USP24: variants seen among roughly 807,000 people sequenced by gnomAD.
USP24 encodes ubiquitin specific peptidase 24.
Under a neutral mutation model 361.6 loss-of-function variants are expected in USP24, and 97 were observed. That is an observed-to-expected ratio of 0.27 (90% CI 0.23 to 0.32). The LOEUF (loss-of-function observed/expected upper bound fraction) is 0.32, where lower values mean the gene tolerates loss of function less well. Ranked by LOEUF, USP24 falls within the 10% of genes least tolerant of loss-of-function variation. The pLI is 1.00. For synonymous variants in USP24, 1,098 were observed against 1,124.6 expected, an observed-to-expected ratio of 0.98 and a Z score of 0.47; for missense variants, 2,353 against 3,165.6, an observed-to-expected ratio of 0.74 and a Z score of 6.16.
At chr1:55,099,668 T>C (rs1645582946) in intron 45 of USP24, 103 bp downstream of exon 45, 2 of 774,182 alleles carry the variant, frequency 2.6e-6, no homozygotes, top group South Asian at 3.2e-5. Context: ...AGATAATCAA[T>C]TTCTGATTCG....
At chr1:55,163,635 G>A (rs933995729) in intron 7 of USP24, among the ~76,000 whole-genome samples, 1 of 152,048 alleles carries the variant, frequency 6.6e-6, no homozygotes, top group Non-Finnish European at 1.5e-5. Flanking sequence ...ATGGGTTTGT[G>A]GGAGTACTGA....
intron 9 of USP24, 52 bp from the exon 10 acceptor site, chr1:55,159,088 G>T: frequency 7.4e-7 from 1 of 1,358,746 alleles, no homozygotes; most frequent in South Asian, 1.9e-5. Context: ...AAAACATTTT[G>T]ATCCCAATTC....
chr1:55,133,022 A>G (rs74416564), intron 30 of USP24, among the ~76,000 whole-genome samples: 1 of 152,206 alleles, frequency 6.6e-6, no homozygotes, highest in Admixed American at 6.5e-5. Flanking sequence ...TAATAAAATT[A>G]TAAGATTGCT....
Position 55,154,121 on chromosome 1 carries a change from T to A in USP24, c.1810A>T (p.Arg604Trp). Reference sequence around the variant, plus strand: ...ATCAGATAAAAGCTGAAACCAACCCTCTTAATATCTTCTATGCACTTGATG... The same window carrying A: ...ATCAGATAAAAGCTGAAACCAACCCACTTAATATCTTCTATGCACTTGATG... ...YIIKCIEDIK[R>W]PGEWSGLEKN... The change falls in exon 15 of 68, where the codon AGG becomes TGG. Residue 604 changes from arginine to tryptophan, a missense_variant and splice_region_variant. Physicochemically the swap from Arg to Trp is moderately radical, Grantham distance 101. Coordinates refer to ENST00000294383, the MANE Select transcript of USP24 (RefSeq NM_015306.3). The A allele has an allele frequency of 6.2e-7, 1 of 1,613,502 alleles. No individual in the cohort carries two copies. The highest frequency in any genetic ancestry group is 8.5e-7 in the Non-Finnish European group (1 of 1,179,616).
intron 5 of USP24, 132 bp downstream of exon 5, chr1:55,171,424 T>A (rs958560098): frequency 8.7e-7 from 1 of 1,153,768 alleles, no homozygotes; most frequent in African/African-American, 1.6e-5. Flanking sequence ...GGCAATTTTA[T>A]GAGCCAGATG....
intron 31 of USP24, among the ~76,000 whole-genome samples, chr1:55,131,098 G>C (rs1365111552): frequency 2.0e-5 from 3 of 152,110 alleles, no homozygotes; most frequent in Non-Finnish European, 4.4e-5. Context: ...AATTACACTT[G>C]AACTTTTTGG....
intron 11 of USP24, 36 bp from the exon 12 acceptor site, chr1:55,157,087 A>G (rs1320218261): frequency 6.6e-7 from 1 of 1,522,352 alleles, no homozygotes; most frequent in South Asian, 1.1e-5. Context: ...AGTCAGATAT[A>G]GTGAACACTG....
In USP24 at chr1:55,157,319, T is replaced by C. The variant is rs551860796; in HGVS notation, c.1279A>G (p.Ile427Val). The C allele has an allele frequency of 1.1e-5, 18 of 1,602,454 alleles. No individual in the cohort carries two copies. In the East Asian group the frequency reaches 1.3e-4, roughly 12 times the overall value. ...STLSKSVKNA[I>V]DTDRLLDWLV... is the part of the protein sequence containing the mutation. ...CAATCTAATAATCTGTCTGTATCTA[T>C]AGCATTCTTCACAGATTTGGATAAA... is the stretch of plus-strand genomic sequence containing the variant. Residue 427 changes from isoleucine to valine, a missense_variant, in exon 11 of 68, where the codon ATA becomes GTA. Transcript: ENST00000294383.
At chr1:55,159,234 G>C (rs1648015093) in intron 9 of USP24, among the ~76,000 whole-genome samples, 198 bp from the exon 10 acceptor site, 1 of 152,110 alleles carries the variant, frequency 6.6e-6, no homozygotes, top group African/African-American at 2.4e-5. Flanking sequence ...ATGGTCCTGT[G>C]AAAAATTTAG....
intron 1 of USP24, among the ~76,000 whole-genome samples, chr1:55,180,754 C>T (rs901952361): frequency 2.0e-5 from 3 of 152,202 alleles, no homozygotes; most frequent in African/African-American, 7.2e-5. Context: ...CTCAACCTCT[C>T]CTTCACAGCA....
chr1:55,169,221 A>T lies in USP24; in HGVS notation c.825+2335T>A, dbSNP rs12563246. 5.1e-4 allele frequency among the ~76,000 whole-genome samples: 78 copies of T among 152,070 alleles called. 1 individual carries two copies. Among genetic ancestry groups the T allele is most frequent in the Admixed American group, 2.6e-3 (39 of 15,264 alleles). ...TAAACAGCAAAGTAGATATAAATTT[A>T]AAAAAAATCCGTGAATTGTACTACT... On this transcript the variant is annotated intron_variant, in intron 5 of 67. Transcript: ENST00000294383.
At chr1:55,186,642 C>A (rs1308433685) in intron 1 of USP24, among the ~76,000 whole-genome samples, 1 of 152,086 alleles carries the variant, frequency 6.6e-6, no homozygotes, top group Non-Finnish European at 1.5e-5. Context: ...AGATATTATG[C>A]CAAGTGAAAT....
chr1:55,093,767 A>T, intron 52 of USP24, 170 bp downstream of exon 52: 1 of 871,232 alleles, frequency 1.1e-6, no homozygotes, highest in Non-Finnish European at 1.7e-6. Flanking sequence ...CCATGGCTCT[A>T]GCTCTATGGC....
intron 62 of USP24, among the ~76,000 whole-genome samples, chr1:55,077,018 C>T (rs1209616444): frequency 6.6e-6 from 1 of 152,190 alleles, no homozygotes; most frequent in African/African-American, 2.4e-5. Flanking sequence ...ACTTGTCTTG[C>T]TCCCTCACTC....
At chr1:55,108,992 A>AT (rs1645871645) in intron 39 of USP24, among the ~76,000 whole-genome samples, 2 of 151,914 alleles carry the variant, frequency 1.3e-5, no homozygotes, top group Non-Finnish European at 2.9e-5. Context: ...GCCTGTTTTT[A>AT]TTTTTTATTT....
At chr1:55,155,295 A>C (rs1647522894) in intron 12 of USP24, among the ~76,000 whole-genome samples, 1 of 152,188 alleles carries the variant, frequency 6.6e-6, no homozygotes, top group African/African-American at 2.4e-5. Flanking sequence ...TGTCAACCTT[A>C]AGGTTTAAAT....
chr1:55,156,300 A>G (rs577107551), intron 12 of USP24, among the ~76,000 whole-genome samples: 3 of 152,322 alleles, frequency 2.0e-5, no homozygotes, highest in Admixed American at 6.5e-5. Context: ...AACAGCATAC[A>G]AATGTAGTCA....
intron 38 of USP24, among the ~76,000 whole-genome samples, chr1:55,120,109 G>C (rs1460026142): frequency 6.6e-6 from 1 of 152,170 alleles, no homozygotes; most frequent in East Asian, 1.9e-4. Flanking sequence ...AGGCTCACTT[G>C]TTGAGGTAAG....
chr1:55,214,301 C>T (rs1288383128), intron 1 of USP24, among the ~76,000 whole-genome samples: 1 of 152,018 alleles, frequency 6.6e-6, no homozygotes, highest in Non-Finnish European at 1.5e-5. Flanking sequence ...CGGCCCACAC[C>T]GCTTTTTCTG....
Sources: allele counts gnomAD v4.1 joint callset (sites outside exome capture counted in the v4.1 genomes callset), GRCh38; gene constraint gnomAD v4.1.1; transcripts MANE v1.5; gene names NCBI Gene and HGNC (gene_info 2026-07-23, HGNC 2026-07-21).